SCLT1: variants seen among roughly 807,000 people sequenced by gnomAD.
The protein encoded by SCLT1 is sodium channel and clathrin linker 1.
A neutral mutation model predicts 112.8 loss-of-function variants in SCLT1; 78 were observed. That is an observed-to-expected ratio of 0.69 (90% CI 0.58 to 0.83). The LOEUF (loss-of-function observed/expected upper bound fraction) is 0.83, where lower values mean the gene tolerates loss of function less well. Ranked by LOEUF, SCLT1 falls within the 40% of genes least tolerant of loss-of-function variation. SCLT1 has a pLI of 0.00. For synonymous variants in SCLT1, 257 were observed against 254.7 expected (o/e 1.01, Z -0.09); for missense variants, 747 against 770.4 (o/e 0.97, Z 0.36).
intron 2 of SCLT1, among the ~76,000 whole-genome samples, chr4:129,063,507 A>G (rs1401158030): frequency 2.0e-5 from 3 of 152,140 alleles, no homozygotes; most frequent in Admixed American, 2.0e-4. Flanking sequence ...CTAAATCCCA[A>G]AGAGTTGTGC....
intron 18 of SCLT1, among the ~76,000 whole-genome samples, chr4:128,907,854 T>A (rs1734803124): frequency 6.6e-6 from 1 of 152,192 alleles, no homozygotes; most frequent in African/African-American, 2.4e-5. Context: ...CCCTGCAATG[T>A]ATCCATCTCT....
At chr4:129,070,722 T>G (rs1248815388) in intron 2 of SCLT1, among the ~76,000 whole-genome samples, 12 of 152,132 alleles carry the variant, frequency 7.9e-5, no homozygotes. Context: ...TTTGTTTTAT[T>G]TATCTTTTGG....
At chr4:129,003,629 A>T (rs1743727448) in intron 6 of SCLT1, 112 bp downstream of exon 6, 1 of 891,922 alleles carries the variant, frequency 1.1e-6, no homozygotes, top group South Asian at 1.9e-5. Context: ...AACTGTAAAA[A>T]ATCATAATGT....
intron 9 of SCLT1, among the ~76,000 whole-genome samples, chr4:128,975,069 C>T (rs1158972402): frequency 9.3e-5 from 3 of 32,316 alleles, no homozygotes; most frequent in Admixed American, 3.4e-4. Context: ...GATGGAGTCT[C>T]GCTCTGTTGC....
At chr4:129,009,116 G>A (rs1342168949) in intron 5 of SCLT1, among the ~76,000 whole-genome samples, 2 of 152,100 alleles carry the variant, frequency 1.3e-5, no homozygotes, top group African/African-American at 4.8e-5. Context: ...TAACTGTTCC[G>A]ATGAACATGT....
Position 128,884,366 on chromosome 4 carries a change from G to A in SCLT1, c.*111C>T. Reference sequence around the variant, plus strand: ...CAAAACAGAACAACAATGCTTACGCGAAATAACACAAGCCTTAACTATTAT... The same window carrying A: ...CAAAACAGAACAACAATGCTTACGCAAAATAACACAAGCCTTAACTATTAT... On this transcript the variant is annotated 3_prime_UTR_variant, in exon 21 of 21. Coordinates refer to ENST00000281142, the MANE Select transcript of SCLT1 (RefSeq NM_144643.4). The A allele has an allele frequency of 3.0e-6, 2 of 656,592 alleles. No individual in the cohort carries two copies. Among genetic ancestry groups the A allele is most frequent in the East Asian group, 2.7e-5 (1 of 37,100 alleles). 40.7% of individuals were successfully genotyped at this position (656,592 alleles called of 1,614,324 possible).
chr4:128,952,990 C>G, intron 13 of SCLT1, 150 bp from the exon 14 acceptor site: 1 of 582,540 alleles, frequency 1.7e-6, no homozygotes, highest in Non-Finnish European at 3.0e-6. Flanking sequence ...ATTAAAGAGC[C>G]AAGAATTTGC....
intron 11 of SCLT1, among the ~76,000 whole-genome samples, chr4:128,960,247 A>T (rs1257487371): frequency 6.6e-6 from 1 of 152,168 alleles, no homozygotes; most frequent in Non-Finnish European, 1.5e-5. Flanking sequence ...TTTTCTCAAT[A>T]TTCATATGAT....
At chr4:128,997,711 G>T (rs1743129195) in intron 8 of SCLT1, among the ~76,000 whole-genome samples, 163 bp downstream of exon 8, 1 of 151,656 alleles carries the variant, frequency 6.6e-6, no homozygotes, top group Non-Finnish European at 1.5e-5. Context: ...TCTCCAAAAG[G>T]TACTGTAAAC....
chr4:128,933,629 C>A (rs896418318), intron 18 of SCLT1, among the ~76,000 whole-genome samples: 1 of 152,078 alleles, frequency 6.6e-6, no homozygotes, highest in African/African-American at 2.4e-5. Context: ...CTCATTGCAA[C>A]TGAATACTGG....
chr4:128,985,733 T>C (rs2126059459), intron 9 of SCLT1, among the ~76,000 whole-genome samples: 1 of 152,310 alleles, frequency 6.6e-6, no homozygotes, highest in Middle Eastern at 3.4e-3. Context: ...CTTTTGTTTT[T>C]TTCATGACAG....
intron 6 of SCLT1, 44 bp from the exon 7 acceptor site, chr4:128,999,838 T>C (rs747868766): frequency 2.0e-5 from 29 of 1,464,758 alleles, no homozygotes; most frequent in Non-Finnish European, 2.7e-5. Flanking sequence ...CAGCAGGCTA[T>C]TTATTGTATA....
At chr4:129,039,931 C>A (rs543509986) in intron 4 of SCLT1, 27 of 408,708 alleles carry the variant, frequency 6.6e-5, no homozygotes, top group East Asian at 3.7e-4. Context: ...CACACACACA[C>A]AAAACCCTGA....
chr4:128,900,465 G>A (rs1192058434), intron 18 of SCLT1, among the ~76,000 whole-genome samples: 1 of 152,072 alleles, frequency 6.6e-6, no homozygotes, highest in Admixed American at 6.5e-5. Context: ...GGGAAAACTG[G>A]CTAGCCATAT....
In SCLT1 at chr4:128,979,053, G is replaced by A. The variant is rs553002102; in HGVS notation, c.687-8585C>T. Among the ~76,000 whole-genome samples, 7 of 152,236 alleles carry A rather than the reference G, an allele frequency of 4.6e-5. No homozygotes were observed. The South Asian group carries it at 1.0e-3, about 23-fold the overall frequency. On this transcript the variant is annotated intron_variant, in intron 9 of 20. Transcript: ENST00000281142. ...TATTAGCAGGTAATTTGTAAGTACT[G>A]TATATCCTACCTACAGAGGTTGGAT...
chr4:128,984,673 C>A (rs1262856474), intron 9 of SCLT1, among the ~76,000 whole-genome samples: 1 of 152,124 alleles, frequency 6.6e-6, no homozygotes, highest in Non-Finnish European at 1.5e-5. Flanking sequence ...TCTCTACCTT[C>A]TAATTTATCC....
chr4:129,031,654 T>C (rs559934000), intron 5 of SCLT1, among the ~76,000 whole-genome samples: 1 of 152,182 alleles, frequency 6.6e-6, no homozygotes, highest in African/African-American at 2.4e-5. Context: ...AAAGGATTCC[T>C]ATACAACAAC....
At chr4:128,937,808 G>A (rs767067119) in intron 17 of SCLT1, among the ~76,000 whole-genome samples, 1 of 152,160 alleles carries the variant, frequency 6.6e-6, no homozygotes, top group Non-Finnish European at 1.5e-5. Context: ...ATAAGTAAAT[G>A]CTCTTTGGAT....
chr4:128,939,430 G>A (rs1024562855), intron 17 of SCLT1, among the ~76,000 whole-genome samples: 3 of 152,146 alleles, frequency 2.0e-5, no homozygotes, highest in Non-Finnish European at 4.4e-5. Context: ...CAGGTCTGTG[G>A]TAATGCTGAC....
Sources: allele counts gnomAD v4.1 joint callset (sites outside exome capture counted in the v4.1 genomes callset), GRCh38; gene constraint gnomAD v4.1.1; transcripts MANE v1.5; gene names NCBI Gene and HGNC (gene_info 2026-07-23, HGNC 2026-07-21).